Variants in KDM5A observed in about 807,000 individuals in gnomAD.
The protein encoded by KDM5A is lysine demethylase 5A, also known as lysine-specific demethylase 5A.
Under a neutral mutation model 193.5 loss-of-function variants are expected in KDM5A, and 42 were observed. That is an observed-to-expected ratio of 0.22 (90% CI 0.17 to 0.28). KDM5A has a LOEUF of 0.28. Among genes scored for constraint, KDM5A ranks in the 10% least tolerant of loss-of-function variants. The pLI, the probability that KDM5A is intolerant of heterozygous loss-of-function variation, is 1.00. For missense variants in KDM5A, 1,692 were observed against 2,055.1 expected, an observed-to-expected ratio of 0.82 and a Z score of 3.42; for synonymous variants, 796 against 718.1, an observed-to-expected ratio of 1.11 and a Z score of -1.73.
At chr12:383,653 T>C (rs1331804737) in intron 3 of KDM5A, among the ~76,000 whole-genome samples, 1 of 152,226 alleles carries the variant, frequency 6.6e-6, no homozygotes, top group Non-Finnish European at 1.5e-5. Context: ...TAAATATTAA[T>C]ATTTAGTAAT....
chr12:288,097 A>G (rs1839784986), intron 27 of KDM5A, among the ~76,000 whole-genome samples: 1 of 152,158 alleles, frequency 6.6e-6, no homozygotes, highest in Admixed American at 6.6e-5. Flanking sequence ...TCTCTTTACC[A>G]ATATCTTTTT....
chr12:353,466 T>A (rs1944188483), intron 8 of KDM5A, among the ~76,000 whole-genome samples: 1 of 152,196 alleles, frequency 6.6e-6, no homozygotes. Context: ...AAAACTATGT[T>A]TTTCTTCATT....
intron 10 of KDM5A, among the ~76,000 whole-genome samples, chr12:339,221 T>TACC (rs991981381): frequency 6.7e-6 from 1 of 149,970 alleles, no homozygotes; most frequent in Non-Finnish European, 1.5e-5. Context: ...TGTTACCAGA[T>TACC]ACCAAAAGGG....
chr12:287,647 T>C (rs1291043046), intron 27 of KDM5A, among the ~76,000 whole-genome samples: 4 of 151,196 alleles, frequency 2.6e-5, no homozygotes, highest in East Asian at 3.9e-4. Context: ...GGGAACTGGA[T>C]AGATAAACTG....
chr12:378,488 C>T (rs1944535963), intron 3 of KDM5A, among the ~76,000 whole-genome samples: 1 of 152,172 alleles, frequency 6.6e-6, no homozygotes, highest in East Asian at 1.9e-4. Flanking sequence ...TTATCTAGAA[C>T]TCCTGGGCTC....
In KDM5A at chr12:318,262, G is replaced by T; in HGVS notation, c.2741C>A (p.Pro914Gln). 1 of 1,614,110 alleles carries T rather than the reference G, an allele frequency of 6.2e-7. No homozygotes were observed. Among genetic ancestry groups the T allele is most frequent in the South Asian group, 1.1e-5 (1 of 91,076 alleles). Reference protein sequence around the residue: ...LDEVRLTLSDPQQVTLDVMKK... With the variant: ...LDEVRLTLSDQQQVTLDVMKK... ...CATGACATCCAAAGTGACTTGTTGC[G>T]GATCTGATAAGGTCAGTCTTACTTC... Residue 914 changes from proline to glutamine, a missense_variant, in exon 19 of 28, where the codon CCG becomes CAG. By Grantham distance (76) the Pro-to-Gln change is moderately conservative. This residue lies in a region of KDM5A where 965 missense variants were observed against 1,061.0 expected (regional missense o/e 0.91). Coordinates refer to ENST00000399788, the MANE Select transcript of KDM5A (RefSeq NM_001042603.3).
At chr12:289,538 A>G (rs1565522210) in intron 27 of KDM5A, among the ~76,000 whole-genome samples, 1 of 151,898 alleles carries the variant, frequency 6.6e-6, no homozygotes, top group Non-Finnish European at 1.5e-5. Flanking sequence ...TCTTTCTTTT[A>G]ATTTTTAAAA....
chr12:336,432 A>G (rs1401259223), intron 10 of KDM5A, among the ~76,000 whole-genome samples: 1 of 152,154 alleles, frequency 6.6e-6, no homozygotes, highest in Non-Finnish European at 1.5e-5. Flanking sequence ...GAATTCCAAT[A>G]AGAAATGACA....
intron 18 of KDM5A, among the ~76,000 whole-genome samples, chr12:319,973 T>C (rs1943695926): frequency 6.6e-6 from 1 of 152,208 alleles, no homozygotes; most frequent in Non-Finnish European, 1.5e-5. Flanking sequence ...CCGAGACTCC[T>C]AATATACTCC....
At chr12:321,224 G>A in intron 17 of KDM5A, 115 bp from the exon 18 acceptor site, 3 of 755,344 alleles carry the variant, frequency 4.0e-6, no homozygotes, top group Non-Finnish European at 4.7e-6. Context: ...CCCAGTGTTT[G>A]AAGGATAACA....
chr12:382,088 G>A (rs1447972832), intron 3 of KDM5A, among the ~76,000 whole-genome samples: 1 of 152,146 alleles, frequency 6.6e-6, no homozygotes, highest in African/African-American at 2.4e-5. Context: ...TGGGATTATA[G>A]GTATGAGCCA....
chr12:318,565 T>C (rs1943678680), intron 18 of KDM5A, 104 bp from the exon 19 acceptor site: 6 of 781,494 alleles, frequency 7.7e-6, no homozygotes, highest in Non-Finnish European at 1.1e-5. Context: ...TAGACTCTTA[T>C]AATCTCACCA....
Position 293,144 on chromosome 12 carries a change from A to G in KDM5A, c.4481T>C (p.Leu1494Pro). The G allele has an allele frequency of 6.2e-7, 1 of 1,611,328 alleles. No individual in the cohort carries two copies. Residue 1494 changes from leucine (L) to proline (P), a missense_variant, in exon 27 of 28, where the codon CTA becomes CCA. Physicochemically the swap from Leu to Pro is moderately conservative, Grantham distance 98. Transcript: ENST00000399788. ...MEDDSMEEKP[L>P]KVKGKDSSEK... ...TGAAGAGTCCTTTCCTTTCACTTTT[A>G]GTGGTTTCTCTTCCATGCTGTCATC...
At position 351,695 on chromosome 12, in the gene KDM5A, G is replaced by A. The variant is rs756760788; in HGVS notation, c.1149+510C>T. ...CAAGCATCAAAATAGACAGCTGGGC[G>A]TGGTGGCTCACATCTGTAATCCCAA... On this transcript the variant is annotated intron_variant, in intron 9 of 27. Coordinates refer to ENST00000399788, the MANE Select transcript of KDM5A (RefSeq NM_001042603.3). Among the ~76,000 whole-genome samples, 6 of 152,284 alleles carry A rather than the reference G, an allele frequency of 3.9e-5. No homozygotes were observed. The East Asian group carries it at 9.6e-4, about 24-fold the overall frequency.
chr12:334,639 A>G (rs1332964679), intron 10 of KDM5A, among the ~76,000 whole-genome samples: 1 of 152,136 alleles, frequency 6.6e-6, no homozygotes, highest in East Asian at 1.9e-4. Context: ...TTTATTTCAG[A>G]TACCTCTGGT....
intron 20 of KDM5A, among the ~76,000 whole-genome samples, chr12:312,215 T>C (rs1316727798): frequency 3.3e-5 from 5 of 152,208 alleles, no homozygotes; most frequent in Non-Finnish European, 5.9e-5. Context: ...ACTTATTTCA[T>C]TCTGTTTTAA....
chr12:338,912 G>A (rs1179025880), intron 10 of KDM5A, among the ~76,000 whole-genome samples: 2 of 152,274 alleles, frequency 1.3e-5, no homozygotes, highest in Admixed American at 1.3e-4. Flanking sequence ...AGGCGCAGTG[G>A]CTCACACCTA....
chr12:284,060 A>G lies in KDM5A; in HGVS notation c.*1396T>C. On this transcript the variant is annotated 3_prime_UTR_variant, in exon 28 of 28. Transcript: ENST00000399788. ...AATTATCTATATGAACAAAAGCAAA[A>G]TGGAAGATCTGGTCAGGCTGGGATG... is the stretch of plus-strand genomic sequence containing the variant. 4.3e-6 allele frequency: 1 copy of G among 231,444 alleles called. No homozygotes were observed. Among genetic ancestry groups the G allele is most frequent in the Non-Finnish European group, 8.6e-6 (1 of 116,670 alleles). The allele number at this position is 231,444 out of a possible 1,614,324, so 14.3% of individuals were successfully genotyped here. A position where few individuals can be genotyped will look rare whatever the true frequency, so the allele number is the denominator to read the frequency against.
At chr12:351,384 T>C (rs1467344604) in intron 9 of KDM5A, among the ~76,000 whole-genome samples, 1 of 152,166 alleles carries the variant, frequency 6.6e-6, no homozygotes. Flanking sequence ...GCAAAGGACA[T>C]GAACTTATCC....
Sources: allele counts gnomAD v4.1 joint callset (sites outside exome capture counted in the v4.1 genomes callset), GRCh38; gene constraint gnomAD v4.1.1; regional missense constraint gnomAD v4.1.1; transcripts MANE v1.5; gene names NCBI Gene and HGNC (gene_info 2026-07-23, HGNC 2026-07-21).